Variants in MDGA1 observed in about 807,000 individuals in gnomAD.
MDGA1 encodes MAM domain-containing glycosylphosphatidylinositol anchor protein 1.
In MDGA1, 54 loss-of-function variants were observed where a neutral mutation model predicts 101.5. The observed-to-expected ratio is 0.53, with a 90% CI of 0.43 to 0.67. The LOEUF is 0.67. MDGA1 is among the 30% of genes least tolerant of loss of function. The pLI is 0.00. For missense variants in MDGA1, 1,083 were observed against 1,323.8 expected (o/e 0.82, Z 2.82); for synonymous variants, 533 against 558.3 (o/e 0.95, Z 0.64).
At chr6:37,653,223 C>A (rs996170653) in intron 6 of MDGA1, among the ~76,000 whole-genome samples, 1 of 152,144 alleles carries the variant, frequency 6.6e-6, no homozygotes, top group African/African-American at 2.4e-5. Context: ...ATCTTACCAA[C>A]CCAGGCTTAA....
intron 6 of MDGA1, 44 bp downstream of exon 6, chr6:37,654,230 G>C: frequency 6.6e-7 from 1 of 1,505,104 alleles, no homozygotes; most frequent in Non-Finnish European, 8.9e-7. Context: ...CAGGGACCTT[G>C]TCTGCCTCAC....
chr6:37,695,428 T>C (rs1762396191), intron 1 of MDGA1, among the ~76,000 whole-genome samples: 1 of 152,182 alleles, frequency 6.6e-6, no homozygotes, highest in African/African-American at 2.4e-5. Flanking sequence ...GGCCAGGCAG[T>C]AAGAGACACA....
chr6:37,655,667 G>A lies in MDGA1; in HGVS notation c.579+33C>T, dbSNP rs1467392421. 1.3e-6 allele frequency: 2 copies of A among 1,534,142 alleles called. No individual in the cohort carries two copies. The highest frequency in any genetic ancestry group is 1.8e-6 in the Non-Finnish European group (2 of 1,133,990). On this transcript the variant is annotated intron_variant, in intron 4 of 16. Coordinates refer to ENST00000434837, the MANE Select transcript of MDGA1 (RefSeq NM_153487.4). This position sits in a 1 kb window ranked among gnomAD's most constrained non-coding sequence, Gnocchi z 5.1. The stretch of plus-strand genomic sequence containing the variant: ...CCCTCCCCTGTTGGATGCAGGAGAA[G>A]TGGTATGGGGCGAGCCAGCTGCCCA...
chr6:37,694,058 G>A (rs1427237744), intron 1 of MDGA1, among the ~76,000 whole-genome samples: 3 of 152,172 alleles, frequency 2.0e-5, no homozygotes, highest in Admixed American at 6.5e-5. Flanking sequence ...CCGCCTGCTC[G>A]TCTTCCTCCC....
chr6:37,642,729 A>C (rs572302639), intron 14 of MDGA1, among the ~76,000 whole-genome samples: 1 of 152,264 alleles, frequency 6.6e-6, no homozygotes, highest in Non-Finnish European at 1.5e-5. Context: ...CCCTGTTACC[A>C]CCAGTCTCAG....
At chr6:37,678,431 T>A (rs2114085617) in intron 1 of MDGA1, among the ~76,000 whole-genome samples, 1 of 152,254 alleles carries the variant, frequency 6.6e-6, no homozygotes, top group East Asian at 1.9e-4. Flanking sequence ...CTTCCTCCCT[T>A]GCCTGCTGTA....
Position 37,635,225 on chromosome 6 carries a change from A to G in MDGA1, c.*2143T>C. 1 of 381,150 alleles carries G rather than the reference A, an allele frequency of 2.6e-6. No homozygotes were observed. Among genetic ancestry groups the G allele is most frequent in the Non-Finnish European group, 4.6e-6 (1 of 215,396 alleles). 23.6% of individuals were successfully genotyped at this position (381,150 alleles called of 1,614,324 possible). ...ACTCTGGTGGTTCTATTCTGCAGGC[A>G]AGGCCAGGAACCACTGATTACAGAA... On this transcript the variant is annotated 3_prime_UTR_variant, in exon 17 of 17. Transcript: ENST00000434837.
At chr6:37,671,107 T>G (rs1488130198) in intron 1 of MDGA1, among the ~76,000 whole-genome samples, 1 of 152,104 alleles carries the variant, frequency 6.6e-6, no homozygotes, top group African/African-American at 2.4e-5. Flanking sequence ...CAAAACCCCA[T>G]GGAAAAGGAA....
At chr6:37,657,121 A>C (rs1023373359) in intron 3 of MDGA1, among the ~76,000 whole-genome samples, 1 of 152,000 alleles carries the variant, frequency 6.6e-6, no homozygotes, top group Non-Finnish European at 1.5e-5. Flanking sequence ...TAACCTTTGC[A>C]CTTAAGATTA....
At chr6:37,682,723 G>C (rs1762123139) in intron 1 of MDGA1, among the ~76,000 whole-genome samples, 1 of 152,144 alleles carries the variant, frequency 6.6e-6, no homozygotes. Flanking sequence ...TCTCTGTCTT[G>C]TTCTCTGCTG....
chr6:37,654,862 G>A lies in MDGA1; in HGVS notation c.650C>T (p.Ser217Phe), dbSNP rs1199815132. ...TGGGATGCCGCACACGTTACGCACA[G>A]ACACCTGGCAGGTGTAGCTGGCATA... ...QDYASYTCQV[S>F]VRNVCGIPDK... is the part of the protein sequence containing the mutation. Residue 217 changes from serine (S) to phenylalanine (F), a missense_variant, in exon 5 of 17, where the codon TCT becomes TTT. Ser to Phe is a radical substitution (Grantham distance 155). Around this residue, in one of 3 missense-constraint regions of MDGA1, gnomAD observed 310 missense variants for 355.9 expected, o/e 0.87. Coordinates refer to ENST00000434837, the MANE Select transcript of MDGA1 (RefSeq NM_153487.4). 2 of 1,613,818 alleles carry A rather than the reference G, an allele frequency of 1.2e-6. No homozygotes were observed. Among genetic ancestry groups the A allele is most frequent in the Non-Finnish European group, 1.7e-6 (2 of 1,179,836 alleles).
intron 1 of MDGA1, among the ~76,000 whole-genome samples, chr6:37,683,456 C>A (rs1412575467): frequency 6.6e-6 from 1 of 152,224 alleles, no homozygotes; most frequent in Non-Finnish European, 1.5e-5. Flanking sequence ...CCCACCTGCA[C>A]CCCCTCTCCT....
In MDGA1 at chr6:37,637,357, C is replaced by A. The variant is rs373439907; in HGVS notation, c.*11G>T. On this transcript the variant is annotated 3_prime_UTR_variant, in exon 17 of 17. Transcript: ENST00000434837. ...GGGGGCAAGGTTGGGGGGGTGGCCA[C>A]ACAGCTCTCATCATCTCTGCAACGC... is the stretch of plus-strand genomic sequence containing the variant. 2 of 1,609,714 alleles carry A rather than the reference C, an allele frequency of 1.2e-6. No homozygotes were observed. Among genetic ancestry groups the A allele is most frequent in the Middle Eastern group, 1.6e-4 (1 of 6,076 alleles).
At chr6:37,673,289 C>T (rs1402555088) in intron 1 of MDGA1, among the ~76,000 whole-genome samples, 4 of 152,202 alleles carry the variant, frequency 2.6e-5, no homozygotes, top group South Asian at 2.1e-4. Flanking sequence ...CCTCAGAAAC[C>T]GTCCCTCCCT....
At chr6:37,688,405 G>T (rs1209783985) in intron 1 of MDGA1, among the ~76,000 whole-genome samples, 1 of 152,110 alleles carries the variant, frequency 6.6e-6, no homozygotes, top group African/African-American at 2.4e-5. Flanking sequence ...AATGTATCTC[G>T]GCTGAGTTTC....
intron 1 of MDGA1, among the ~76,000 whole-genome samples, chr6:37,689,801 TAC>T (rs1420200590): frequency 6.6e-6 from 1 of 152,252 alleles, no homozygotes; most frequent in East Asian, 1.9e-4. Context: ...CTCTTTCCGA[TAC>T]ACTTTTAGTG....
At position 37,652,020 on chromosome 6, in the gene MDGA1, A is replaced by T. The variant is rs747091309; in HGVS notation, c.1303T>A (p.Ser435Thr). 1.3e-6 allele frequency: 2 copies of T among 1,591,916 alleles called. No individual in the cohort carries two copies. The highest frequency in any genetic ancestry group is 3.4e-5 in the Admixed American group (2 of 59,064). Reference protein sequence around the residue: ...PDLSVEVNISSETVPPTISVP... With the variant: ...PDLSVEVNISTETVPPTISVP... ...CCCTCCAGCTGCCCACCTGTCTCAG[A>T]GGAGATGTTGACCTCGACGCTGAGG... Residue 435 changes from serine to threonine, a missense_variant, in exon 7 of 17, where the codon TCT becomes ACT. By Grantham distance (58) the Ser-to-Thr change is moderately conservative (BLOSUM62 1). Around this residue, in one of 3 missense-constraint regions of MDGA1, gnomAD observed 657 missense variants for 771.4 expected, o/e 0.85. Transcript: ENST00000434837. This position sits in a 1 kb window ranked among gnomAD's most constrained non-coding sequence, Gnocchi z 4.3.
Position 37,645,789 on chromosome 6 carries a change from C to T in MDGA1, c.2248+144G>A, listed in dbSNP as rs768071690. 9.6e-5 allele frequency: 93 copies of T among 966,020 alleles called. 1 individual carries two copies. Among genetic ancestry groups the T allele is most frequent in the Non-Finnish European group, 1.4e-4 (85 of 627,616 alleles). 59.8% of individuals were successfully genotyped at this position (966,020 alleles called of 1,614,324 possible). ...AGCCCAACCCTGCTTCTCCTTCTAG[C>T]CTCTGGCCCTACCCCATGGAAACAC... On this transcript the variant is annotated intron_variant, in intron 12 of 16. Coordinates refer to ENST00000434837, the MANE Select transcript of MDGA1 (RefSeq NM_153487.4).
At position 37,696,687 on chromosome 6, in the gene MDGA1, C is replaced by G; in HGVS notation, c.67+58G>C. The stretch of plus-strand genomic sequence containing the variant: ...AACCCCGGCAGCGCGCACTTTGCGC[C>G]TCTTGCAAAGTTTCCGCGCGAGGTT... On this transcript the variant is annotated intron_variant, in intron 1 of 16. Coordinates refer to ENST00000434837, the MANE Select transcript of MDGA1 (RefSeq NM_153487.4). The surrounding 1 kb of genome is among the most constrained non-coding windows in gnomAD (Gnocchi z 5.6). 6.6e-7 allele frequency: 1 copy of G among 1,507,800 alleles called. No homozygotes were observed. The allele number at this position is 1,507,800 out of a possible 1,614,324, so 93.4% of individuals were successfully genotyped here. A position where few individuals can be genotyped will look rare whatever the true frequency, so the allele number is the denominator to read the frequency against.
Sources: allele counts gnomAD v4.1 joint callset (sites outside exome capture counted in the v4.1 genomes callset), GRCh38; gene constraint gnomAD v4.1.1; regional missense constraint gnomAD v4.1.1; non-coding constraint Gnocchi (gnomAD v3.1); transcripts MANE v1.5; gene names NCBI Gene and HGNC (gene_info 2026-07-23, HGNC 2026-07-21).